MRC2: variants seen among roughly 807,000 people sequenced by gnomAD.
The protein encoded by MRC2 is mannose receptor C-type 2, also known as C-type mannose receptor 2.
In MRC2, 84 loss-of-function variants were observed where a neutral mutation model predicts 206.2. The ratio of observed to expected loss-of-function variants is 0.41; its 90% CI spans 0.34 to 0.49. MRC2 has a LOEUF of 0.49. Among genes scored for constraint, MRC2 ranks in the 20% least tolerant of loss-of-function variants. The probability of loss-of-function intolerance (pLI) is 0.31; values close to 1 mark genes in which losing one functional copy is unlikely to be tolerated. For missense variants in MRC2, 1,676 were observed against 2,001.5 expected, an observed-to-expected ratio of 0.84 and a Z score of 3.10; for synonymous variants, 798 against 800.0, an observed-to-expected ratio of 1.00 and a Z score of 0.04.
intron 1 of MRC2, among the ~76,000 whole-genome samples, chr17:62,660,516 C>T (rs2088667725): frequency 6.6e-6 from 1 of 152,148 alleles, no homozygotes; most frequent in African/African-American, 2.4e-5. Flanking sequence ...GTTTGAGGGG[C>T]TTAGTAATCA....
chr17:62,634,971 C>T (rs2088294183), intron 1 of MRC2, among the ~76,000 whole-genome samples: 1 of 151,942 alleles, frequency 6.6e-6, no homozygotes, highest in South Asian at 2.1e-4. Flanking sequence ...GCTGGGACTA[C>T]AGGCACGTGC....
At position 62,689,584 on chromosome 17, in the gene MRC2, C is replaced by T. The variant is rs1451998609; in HGVS notation, c.3397C>T (p.Leu1133Phe). Residue 1133 changes from leucine to phenylalanine, a missense_variant, in exon 24 of 30, where the codon CTC becomes TTC. Physicochemically the swap from Leu to Phe is conservative, Grantham distance 22. Coordinates refer to ENST00000303375, the MANE Select transcript of MRC2 (RefSeq NM_006039.5). ...PPAPGTELSY[L>F]NGTFRLLQKP... is the part of the protein sequence containing the mutation. ...CGCCCCGGGCACTGAGCTCTCCTAC[C>T]TCAACGGCACCTTCCGGCTGCTTCA... 1.2e-6 allele frequency: 2 copies of T among 1,603,378 alleles called. No individual in the cohort carries two copies. Among genetic ancestry groups the T allele is most frequent in the African/African-American group, 1.3e-5 (1 of 74,900 alleles).
In MRC2 at chr17:62,634,258, G is replaced by A. The variant is rs186532093; in HGVS notation, c.118+6338G>A. Among the ~76,000 whole-genome samples the A allele has an allele frequency of 8.7e-4, 133 of 152,076 alleles. 1 individual carries two copies. The highest frequency in any genetic ancestry group is 3.1e-3 in the African/African-American group (127 of 41,480). On this transcript the variant is annotated intron_variant, in intron 1 of 29. Transcript: ENST00000303375. ...GGAGTATCTTTTAGCATGCCAATGC[G>A]TTATAATTAGTGTATAAAAAAATGG...
At chr17:62,689,370 GGGCT>G in intron 23 of MRC2, 148 bp from the exon 24 acceptor site, 1 of 613,824 alleles carries the variant, frequency 1.6e-6, no homozygotes, top group East Asian at 2.8e-5. Context: ...AATAACAACA[GGGCT>G]GACACCTACC....
chr17:62,671,459 C>A lies in MRC2; in HGVS notation c.1118-190C>A, dbSNP rs2088824801. On this transcript the variant is annotated intron_variant, in intron 6 of 29. Coordinates refer to ENST00000303375, the MANE Select transcript of MRC2 (RefSeq NM_006039.5). This position sits in a 1 kb window ranked among gnomAD's most constrained non-coding sequence, Gnocchi z 4.5. The stretch of plus-strand genomic sequence containing the variant: ...CACGACTTGGGTCTCTGTCCCGGGG[C>A]TCCAGCAGCCCTGTAAAGTTTTGTG... 2.0e-5 allele frequency among the ~76,000 whole-genome samples: 3 copies of A among 152,220 alleles called. No homozygotes were observed. The highest frequency in any genetic ancestry group is 2.4e-5 in the African/African-American group (1 of 41,456).
chr17:62,673,523 T>C (rs2088852612), intron 8 of MRC2, among the ~76,000 whole-genome samples: 1 of 151,642 alleles, frequency 6.6e-6, no homozygotes, highest in Non-Finnish European at 1.5e-5. Flanking sequence ...TTTTTTTTTT[T>C]TTTGAGATGG....
intron 1 of MRC2, among the ~76,000 whole-genome samples, chr17:62,632,027 G>T (rs2084219987): frequency 6.6e-6 from 1 of 152,110 alleles, no homozygotes; most frequent in South Asian, 2.1e-4. Flanking sequence ...ACGTGAGATG[G>T]GAGGGGGCCG....
chr17:62,668,038 T>C (rs188929742), intron 6 of MRC2, among the ~76,000 whole-genome samples: 2 of 152,122 alleles, frequency 1.3e-5, no homozygotes, highest in Admixed American at 1.3e-4. Flanking sequence ...TGTGGAGGCC[T>C]AGAACTACAC....
rs199742054 is a variant in MRC2, at chr17:62,692,063, T to C, written c.4193-49T>C. 109 of 1,613,364 alleles carry C rather than the reference T, an allele frequency of 6.8e-5. No individual in the cohort carries two copies. Among genetic ancestry groups the C allele is most frequent in the Non-Finnish European group, 1.5e-5 (18 of 1,179,496 alleles). ...CTTTGTATGTTTACTTAAGTGATTA[T>C]TACGATGATCACTGCTATTATTAAC... On this transcript the variant is annotated intron_variant, in intron 28 of 29. Coordinates refer to ENST00000303375, the MANE Select transcript of MRC2 (RefSeq NM_006039.5). This position sits in a 1 kb window ranked among gnomAD's most constrained non-coding sequence, Gnocchi z 4.2.
At chr17:62,673,507 CTTTTTT>C (rs55974246) in intron 8 of MRC2, among the ~76,000 whole-genome samples, 2 of 119,698 alleles carry the variant, frequency 1.7e-5, no homozygotes, top group Non-Finnish European at 1.7e-5. Context: ...GACGCCTTTC[CTTTTTT>C]TTTTTTTTTT....
In MRC2 at chr17:62,665,038, T is replaced by C. The variant is rs538132418; in HGVS notation, c.520+89T>C. 3.9e-5 allele frequency: 54 copies of C among 1,402,062 alleles called. No homozygotes were observed. The East Asian group carries it at 9.6e-4, about 25-fold the overall frequency. The allele number at this position is 1,402,062 out of a possible 1,614,324, so 86.9% of individuals were successfully genotyped here. On this transcript the variant is annotated intron_variant, in intron 2 of 29. Transcript: ENST00000303375. ...GGACAGATTCCCAGTGACAAGGCCT[T>C]TGGCCTCTGTGGACCCTTGGCAGTC...
intron 18 of MRC2, 86 bp downstream of exon 18, chr17:62,681,215 C>A: frequency 6.8e-7 from 1 of 1,472,160 alleles, no homozygotes. Context: ...TTGAATCCAG[C>A]CCTGCCCCTT....
At chr17:62,634,221 G>A (rs577260137) in intron 1 of MRC2, among the ~76,000 whole-genome samples, 7 of 152,206 alleles carry the variant, frequency 4.6e-5, no homozygotes, top group East Asian at 1.9e-4. Context: ...GTAAACTGTC[G>A]TGGCGCTGAT....
chr17:62,657,183 A>G (rs1209934347), intron 1 of MRC2, among the ~76,000 whole-genome samples: 1 of 152,202 alleles, frequency 6.6e-6, no homozygotes, highest in East Asian at 1.9e-4. Context: ...AAGGCAGCTC[A>G]ATGAGGTCAC....
Position 62,687,825 on chromosome 17 carries a change from G to C in MRC2, c.2947-464G>C, listed in dbSNP as rs535752581. 2.0e-5 allele frequency among the ~76,000 whole-genome samples: 3 copies of C among 152,096 alleles called. No individual in the cohort carries two copies. The South Asian group carries it at 6.2e-4, about 32-fold the overall frequency. On this transcript the variant is annotated intron_variant, in intron 20 of 29. Transcript: ENST00000303375. Reference sequence around the variant, plus strand: ...GTGAACCCTGGAGGTGGAGCTTGCAGTGAGCCGAGATGGCGCCACTGCACT... The same window carrying C: ...GTGAACCCTGGAGGTGGAGCTTGCACTGAGCCGAGATGGCGCCACTGCACT...
intron 6 of MRC2, among the ~76,000 whole-genome samples, chr17:62,668,535 C>T (rs1054218193): frequency 6.6e-6 from 1 of 152,144 alleles, no homozygotes; most frequent in African/African-American, 2.4e-5. Context: ...AATGCACAGT[C>T]AGGCCCGCCC....
chr17:62,655,102 G>A (rs559338262), intron 1 of MRC2, among the ~76,000 whole-genome samples: 4 of 152,208 alleles, frequency 2.6e-5, no homozygotes, highest in African/African-American at 7.2e-5. Context: ...TGGCTAATGC[G>A]GTGAAACCCT....
At chr17:62,634,507 A>G (rs1459142083) in intron 1 of MRC2, among the ~76,000 whole-genome samples, 1 of 152,088 alleles carries the variant, frequency 6.6e-6, no homozygotes, top group African/African-American at 2.4e-5. Flanking sequence ...TACCATGTTG[A>G]CCAGGCTGGT....
At chr17:62,627,948 C>T (rs1443010608) in intron 1 of MRC2, 28 bp downstream of exon 1, 2 of 1,376,968 alleles carry the variant, frequency 1.5e-6, no homozygotes, top group Middle Eastern at 1.8e-4. Flanking sequence ...TGGCCAACTT[C>T]AGGGCCCGGG....
Sources: gnomAD v4.1 joint callset for allele counts (sites outside exome capture counted in the v4.1 genomes callset) on GRCh38, gnomAD v4.1.1 for gene constraint, Gnocchi (gnomAD v3.1) non-coding constraint, MANE v1.5 for transcripts, NCBI Gene and HGNC (gene_info 2026-07-23, HGNC 2026-07-21) for gene names.